Variants in SHANK2 observed in about 807,000 individuals in gnomAD.
SHANK2 encodes the protein SH3 and multiple ankyrin repeat domains protein 2.
SHANK2 carries 43 observed loss-of-function variants against 133.7 expected under a neutral mutation model. That is an observed-to-expected ratio of 0.32 (90% CI 0.25 to 0.41). The LOEUF is 0.41. SHANK2 is among the 10% of genes least tolerant of loss of function. The pLI, the probability that SHANK2 is intolerant of heterozygous loss-of-function variation, is 1.00. For synonymous variants in SHANK2, 1,017 were observed against 952.8 expected (o/e 1.07, Z -1.24); for missense variants, 1,994 against 2,235.8 (o/e 0.89, Z 2.18).
chr11:70,798,472 A>C lies in SHANK2; in HGVS notation c.1748T>G (p.Val583Gly). Residue 583 changes from valine (V) to glycine (G), a missense_variant, in exon 14 of 26, where the codon GTC becomes GGC. Physicochemically the swap from Val to Gly is moderately radical, Grantham distance 109. Transcript: ENST00000601538. ...CTGGCTGTCCCTGGGCTTACACTGG[A>C]CCTCCTCCACGCACTCCGCCGGAAA... Reference protein sequence around the residue: ...GWFPAECVEEVQCKPRDSQAE... With the variant: ...GWFPAECVEEGQCKPRDSQAE... 1 of 718,320 alleles carries C rather than the reference A, an allele frequency of 1.4e-6. No homozygotes were observed. 44.5% of individuals were successfully genotyped at this position (718,320 alleles called of 1,614,324 possible). A position where few individuals can be genotyped will look rare whatever the true frequency, so the allele number is the denominator to read the frequency against.
intron 17 of SHANK2, among the ~76,000 whole-genome samples, chr11:70,638,845 A>G (rs2061140493): frequency 6.6e-6 from 1 of 151,920 alleles, no homozygotes; most frequent in Non-Finnish European, 1.5e-5. Context: ...AAAAATACAA[A>G]AATTAGCTGG....
At chr11:70,813,792 C>T (rs1948328024) in intron 12 of SHANK2, among the ~76,000 whole-genome samples, 1 of 152,148 alleles carries the variant, frequency 6.6e-6, no homozygotes, top group African/African-American at 2.4e-5. Context: ...ACCTCCCTCC[C>T]TGGCTTCCCA....
intron 14 of SHANK2, among the ~76,000 whole-genome samples, chr11:70,719,205 T>C (rs1946020830): frequency 6.6e-6 from 1 of 152,092 alleles, no homozygotes; most frequent in Non-Finnish European, 1.5e-5. Flanking sequence ...CCCACCCACG[T>C]TGGAATAGAC....
chr11:71,068,753 G>A (rs1465564349), intron 9 of SHANK2, among the ~76,000 whole-genome samples: 1 of 152,162 alleles, frequency 6.6e-6, no homozygotes, highest in Non-Finnish European at 1.5e-5. Context: ...CCAATGTGGA[G>A]GTTACAGCTC....
chr11:70,485,658 T>G lies in SHANK2; in HGVS notation c.4635A>C (p.Pro1545=), dbSNP rs782586808. 7 of 1,614,006 alleles carry G rather than the reference T, an allele frequency of 4.3e-6. No individual in the cohort carries two copies. The African/African-American group carries it at 9.3e-5, about 22-fold the overall frequency. ...GCTTCATTTTTGGCTTAGGAGGTAC[T>G]GGGGGTTTGTCAACCATAAATGCTT... is the stretch of plus-strand genomic sequence containing the variant. ...DGQAFMVDKP[P]VPPKPKMKPI... The change falls in exon 25 of 26, where the codon CCA becomes CCC. Residue 1545 remains proline (P), a synonymous_variant. Transcript: ENST00000601538. This position sits in a 1 kb window ranked among gnomAD's most constrained non-coding sequence, Gnocchi z 5.8.
At chr11:71,099,588 T>C (rs1951684673) in intron 6 of SHANK2, among the ~76,000 whole-genome samples, 2 of 152,172 alleles carry the variant, frequency 1.3e-5, no homozygotes, top group East Asian at 3.8e-4. Context: ...TATAAAGTAC[T>C]TGTAGCCAAA....
chr11:71,179,304 CA>C (rs1417546776), intron 2 of SHANK2, among the ~76,000 whole-genome samples: 8 of 152,206 alleles, frequency 5.3e-5, no homozygotes, highest in Non-Finnish European at 1.0e-4. Context: ...GTTGATTTAA[CA>C]TTTGAAAATC....
chr11:70,610,189 TTTACA>T (rs1299717446), intron 17 of SHANK2, among the ~76,000 whole-genome samples: 1 of 151,916 alleles, frequency 6.6e-6, no homozygotes, highest in Non-Finnish European at 1.5e-5. Context: ...AATGGCACAT[TTTACA>T]TTACATGTAT....
intron 6 of SHANK2, among the ~76,000 whole-genome samples, chr11:71,100,164 T>C (rs1443839936): frequency 6.6e-6 from 1 of 151,888 alleles, no homozygotes; most frequent in Non-Finnish European, 1.5e-5. Context: ...TCATTGCCAG[T>C]AGGAGTGTAA....
chr11:70,767,323 A>G (rs1197666980), intron 14 of SHANK2, among the ~76,000 whole-genome samples: 4 of 152,198 alleles, frequency 2.6e-5, no homozygotes, highest in Non-Finnish European at 5.9e-5. Context: ...GAGTTACCAT[A>G]TGACCCACCA....
At chr11:70,879,546 G>A (rs1049721377) in intron 11 of SHANK2, among the ~76,000 whole-genome samples, 1 of 152,200 alleles carries the variant, frequency 6.6e-6, no homozygotes, top group Non-Finnish European at 1.5e-5. Flanking sequence ...TTCCGGATTG[G>A]AACCCTCGTC....
At chr11:71,235,502 G>A (rs1454234532) in intron 1 of SHANK2, among the ~76,000 whole-genome samples, 1 of 151,160 alleles carries the variant, frequency 6.6e-6, no homozygotes, top group Non-Finnish European at 1.5e-5. Context: ...GCTGAGGCAG[G>A]AAAATCACTT....
At position 70,543,990 on chromosome 11, in the gene SHANK2, T is replaced by C. The variant is rs75416736; in HGVS notation, c.2062-41059A>G. On this transcript the variant is annotated intron_variant, in intron 17 of 25. Coordinates refer to ENST00000601538, the MANE Select transcript of SHANK2 (RefSeq NM_012309.5). ...CTGTGTGGATTGCGTTGAGAGAGTA[T>C]AGTGGGAAGAAACTGAGTTTGCTTT... Among the ~76,000 whole-genome samples, 1,421 of 152,310 alleles carry C rather than the reference T, an allele frequency of 9.3e-3. 17 individuals carry two copies. The highest frequency in any genetic ancestry group is 0.032 in the African/African-American group (1,334 of 41,552).
Position 70,500,485 on chromosome 11 carries a change from A to G in SHANK2, c.2308+85T>C. On this transcript the variant is annotated intron_variant, in intron 21 of 25. Transcript: ENST00000601538. This position sits in a 1 kb window ranked among gnomAD's most constrained non-coding sequence, Gnocchi z 4.5. ...CCAACAAGGCTTTGCGACACATTTG[A>G]GACTTCACGGCATCACAAAGGATGT... The G allele has an allele frequency of 1.9e-6, 3 of 1,540,452 alleles. No individual in the cohort carries two copies. The highest frequency in any genetic ancestry group is 2.6e-6 in the Non-Finnish European group (3 of 1,135,068).
chr11:70,516,119 G>A (rs2059262968), intron 17 of SHANK2, among the ~76,000 whole-genome samples: 1 of 152,118 alleles, frequency 6.6e-6, no homozygotes, highest in African/African-American at 2.4e-5. Context: ...TGTGAATACT[G>A]ACAAATGGAT....
At chr11:70,751,763 G>A (rs1946753449) in intron 14 of SHANK2, among the ~76,000 whole-genome samples, 1 of 152,078 alleles carries the variant, frequency 6.6e-6, no homozygotes, top group African/African-American at 2.4e-5. Flanking sequence ...TGGTGGTAAG[G>A]TTTCCATGTT....
chr11:70,763,576 T>C (rs1333136565), intron 14 of SHANK2, among the ~76,000 whole-genome samples: 1 of 152,092 alleles, frequency 6.6e-6, no homozygotes, highest in Non-Finnish European at 1.5e-5. Flanking sequence ...GCCAGCCTCA[T>C]GAAGGGGCTG....
intron 1 of SHANK2, among the ~76,000 whole-genome samples, chr11:71,242,513 C>T (rs1298388655): frequency 6.6e-6 from 1 of 152,168 alleles, no homozygotes; most frequent in Admixed American, 6.5e-5. Context: ...GCTCAAGGAC[C>T]GCTACCTCAA....
At chr11:71,150,327 G>A (rs1320512610) in intron 2 of SHANK2, among the ~76,000 whole-genome samples, 65 of 92,902 alleles carry the variant, frequency 7.0e-4, no homozygotes, top group Non-Finnish European at 1.3e-3. Flanking sequence ...GGAGGGACAG[G>A]GAGGGAGAGG....
Sources: allele counts gnomAD v4.1 joint callset (sites outside exome capture counted in the v4.1 genomes callset), GRCh38; gene constraint gnomAD v4.1.1; non-coding constraint Gnocchi (gnomAD v3.1); transcripts MANE v1.5; gene names NCBI Gene and HGNC (gene_info 2026-07-23, HGNC 2026-07-21).